SUN3: variants seen among roughly 807,000 people sequenced by gnomAD.
The protein encoded by SUN3 is Sad1 and UNC84 domain containing 3, also known as SUN domain-containing protein 3.
In SUN3, 36 loss-of-function variants were observed where a neutral mutation model predicts 48.2. The observed-to-expected ratio is 0.75, with a 90% confidence interval of 0.57 to 0.99. SUN3 has a LOEUF of 0.99. Among genes scored for constraint, SUN3 ranks in the 50% least tolerant of loss-of-function variants. SUN3 has a pLI of 0.00. For missense variants in SUN3, 419 were observed against 433.1 expected (o/e 0.97, Z 0.29); for synonymous variants, 148 against 147.9 (o/e 1.00, Z 0.00).
At chr7:48,022,737 G>A (rs1255864096) in intron 2 of SUN3, among the ~76,000 whole-genome samples, 1 of 151,938 alleles carries the variant, frequency 6.6e-6, no homozygotes. Flanking sequence ...ACTGTTGAAA[G>A]ACAAAAACAC....
chr7:48,007,953 A>T (rs1583763760), intron 4 of SUN3, among the ~76,000 whole-genome samples: 1 of 151,626 alleles, frequency 6.6e-6, no homozygotes, highest in East Asian at 1.9e-4. Flanking sequence ...CCTCCCCAGC[A>T]GCTAGGATAA....
At chr7:48,020,519 T>C (rs1789964435) in intron 2 of SUN3, among the ~76,000 whole-genome samples, 1 of 152,148 alleles carries the variant, frequency 6.6e-6, no homozygotes, top group Admixed American at 6.5e-5. Flanking sequence ...ATGAAAGAAG[T>C]TAAATTATCC....
At chr7:48,034,075 A>G (rs1303427787), upstream of SUN3, among the ~76,000 whole-genome samples, 2 of 152,064 alleles carry the variant, frequency 1.3e-5, no homozygotes, top group South Asian at 4.1e-4. Context: ...AAATAAATAA[A>G]CTTCTCTTGA....
intron 6 of SUN3, among the ~76,000 whole-genome samples, chr7:47,999,434 C>A (rs573113394): frequency 6.6e-6 from 1 of 152,048 alleles, no homozygotes; most frequent in Non-Finnish European, 1.5e-5. Context: ...ATTTGCATGC[C>A]TTTTCCCCTA....
chr7:48,002,360 G>A (rs1393071313), intron 6 of SUN3, among the ~76,000 whole-genome samples: 1 of 132,408 alleles, frequency 7.6e-6, no homozygotes, highest in Non-Finnish European at 1.5e-5. Context: ...GGGTTTCACC[G>A]TTTTAGCCAG....
chr7:47,989,880 C>CT (rs1247725705), intron 8 of SUN3, among the ~76,000 whole-genome samples: 3 of 152,350 alleles, frequency 2.0e-5, no homozygotes, highest in African/African-American at 4.8e-5. Context: ...GCAGGATGTG[C>CT]TTTGTCAAAC....
Position 48,007,295 on chromosome 7 carries a change from C to T in SUN3, c.362G>A (p.Arg121His), listed in dbSNP as rs562292083. Reference protein sequence around the residue: ...KESQNLENNFRQILFLIEQID... With the variant: ...KESQNLENNFHQILFLIEQID... ...TTGTTCGATCAAAAATAGAATTTGACGAAAATTGTTTTCCAGATTCTGGCT... is the reference window on the plus strand; with the variant it reads ...TTGTTCGATCAAAAATAGAATTTGATGAAAATTGTTTTCCAGATTCTGGCT... The change falls in exon 5 of 10, where the codon CGT becomes CAT. Residue 121 changes from arginine to histidine, a missense_variant. Physicochemically the swap from Arg to His is conservative, Grantham distance 29. Coordinates refer to ENST00000297325, the MANE Select transcript of SUN3 (RefSeq NM_001030019.2). 381 of 1,613,856 alleles carry T rather than the reference C, an allele frequency of 2.4e-4. 4 individuals carry two copies. The South Asian group carries it at 3.5e-3, about 15-fold the overall frequency.
In SUN3 at chr7:48,002,891, G is replaced by A. The variant is rs1474895865; in HGVS notation, c.577+3078C>T. 2.0e-5 allele frequency among the ~76,000 whole-genome samples: 3 copies of A among 152,304 alleles called. No homozygotes were observed. In the East Asian group the frequency reaches 5.8e-4, roughly 29 times the overall value. On this transcript the variant is annotated intron_variant, in intron 6 of 9. Coordinates refer to ENST00000297325, the MANE Select transcript of SUN3 (RefSeq NM_001030019.2). ...TAGGATTATGTTGTCTGCAAACAGG[G>A]ATAGTTTGACTTCCTCTCTTCCTAT...
At chr7:47,992,010 C>T (rs1789078833) in intron 8 of SUN3, among the ~76,000 whole-genome samples, 1 of 152,168 alleles carries the variant, frequency 6.6e-6, no homozygotes, top group Admixed American at 6.5e-5. Flanking sequence ...CCGCGGCCCT[C>T]CTCTCCCCAG....
At position 47,997,219 on chromosome 7, in the gene SUN3, CAAAG is replaced by C. The variant is rs112121345; in HGVS notation, c.578-1077_578-1074del. Among the ~76,000 whole-genome samples the C allele has an allele frequency of 3.0e-3, 455 of 152,224 alleles. 6 individuals carry two copies. Among genetic ancestry groups the C allele is most frequent in the African/African-American group, 0.01 (425 of 41,544 alleles). On this transcript the variant is annotated intron_variant, in intron 6 of 9. Coordinates refer to ENST00000297325, the MANE Select transcript of SUN3 (RefSeq NM_001030019.2). The stretch of plus-strand genomic sequence containing the variant: ...CATTTAAATTTGAATTTCAGGTAAA[CAAAG>C]AATAATTTTTTTAGTAGTAGTCATG...
chr7:48,015,565 G>T (rs1051288677), intron 3 of SUN3, among the ~76,000 whole-genome samples: 1 of 152,170 alleles, frequency 6.6e-6, no homozygotes, highest in South Asian at 2.1e-4. Context: ...TGAGCAAAAA[G>T]GGTATGAAGT....
chr7:48,016,757 T>C (rs935958639), intron 3 of SUN3, among the ~76,000 whole-genome samples: 1 of 152,222 alleles, frequency 6.6e-6, no homozygotes, highest in Non-Finnish European at 1.5e-5. Flanking sequence ...TCTTAGTCTG[T>C]TTTCTGTTGC....
chr7:48,005,827 TTTA>T, intron 6 of SUN3, 139 bp downstream of exon 6: 1 of 525,524 alleles, frequency 1.9e-6, no homozygotes. Context: ...TACTCTCTTC[TTTA>T]TTATCTAAAT....
rs186012403 is a variant in SUN3, at chr7:48,013,727, G to A, written c.288+3535C>T. Among the ~76,000 whole-genome samples, 13 of 152,286 alleles carry A rather than the reference G, an allele frequency of 8.5e-5. No individual in the cohort carries two copies. The East Asian group carries it at 2.1e-3, about 25-fold the overall frequency. ...GCATATTTAAAATCTATTACTGGCT[G>A]AGTGCAGCGTTTCATGCCTGTAATC... On this transcript the variant is annotated intron_variant, in intron 3 of 9. Coordinates refer to ENST00000297325, the MANE Select transcript of SUN3 (RefSeq NM_001030019.2).
At chr7:48,021,818 G>T (rs1790005129) in intron 2 of SUN3, among the ~76,000 whole-genome samples, 1 of 152,094 alleles carries the variant, frequency 6.6e-6, no homozygotes, top group African/African-American at 2.4e-5. Context: ...ATACACTGTT[G>T]GTGGGAATGT....
At chr7:48,034,078 T>G (rs1562618824), upstream of SUN3, among the ~76,000 whole-genome samples, 1 of 151,992 alleles carries the variant, frequency 6.6e-6, no homozygotes, top group Non-Finnish European at 1.5e-5. Context: ...TAAATAAACT[T>G]CTCTTGACCA....
In SUN3 at chr7:47,988,831, A is replaced by C. The variant is rs767979244; in HGVS notation, c.911T>G (p.Ile304Arg). 6.2e-7 allele frequency: 1 copy of C among 1,607,884 alleles called. No individual in the cohort carries two copies. Among genetic ancestry groups the C allele is most frequent in the South Asian group, 1.1e-5 (1 of 90,348 alleles). ...AACGGTGGTTCCTGTTTTGTTATAT[A>C]TAAACTGACCTAGGAAAATTTCTTC... is the stretch of plus-strand genomic sequence containing the variant. ...EGEEIFLGQF[I>R]YNKTGTTVQT... Residue 304 changes from isoleucine to arginine, a missense_variant, in exon 9 of 10, where the codon ATA (isoleucine) becomes AGA (arginine). By Grantham distance (97) the Ile-to-Arg change is moderately conservative. Coordinates refer to ENST00000297325, the MANE Select transcript of SUN3 (RefSeq NM_001030019.2).
At position 47,997,847 on chromosome 7, in the gene SUN3, C is replaced by T. The variant is rs185870184; in HGVS notation, c.578-1701G>A. Among the ~76,000 whole-genome samples, 35 of 152,266 alleles carry T rather than the reference C, an allele frequency of 2.3e-4. No individual in the cohort carries two copies. In the East Asian group the frequency reaches 6.6e-3, roughly 29 times the overall value. ...CTTGTAGTCAGTCACAGTATGTAGC[C>T]TTTTCACTAAGGCTACTTTCATTTA... On this transcript the variant is annotated intron_variant, in intron 6 of 9. Coordinates refer to ENST00000297325, the MANE Select transcript of SUN3 (RefSeq NM_001030019.2).
At chr7:48,001,240 C>T (rs1789358152) in intron 6 of SUN3, among the ~76,000 whole-genome samples, 1 of 152,126 alleles carries the variant, frequency 6.6e-6, no homozygotes, top group Admixed American at 6.5e-5. Context: ...CCTTCTCTCA[C>T]CCTCCATCCT....
Sources: allele counts gnomAD v4.1 joint callset (sites outside exome capture counted in the v4.1 genomes callset), GRCh38; gene constraint gnomAD v4.1.1; transcripts MANE v1.5; gene names NCBI Gene and HGNC (gene_info 2026-07-23, HGNC 2026-07-21).